ATRNL1: variants seen among roughly 807,000 people sequenced by gnomAD.
ATRNL1 encodes attractin like 1, also known as attractin-like protein 1.
ATRNL1 carries 95 observed loss-of-function variants against 182.7 expected under a neutral mutation model. The ratio of observed to expected loss-of-function variants is 0.52; its 90% CI spans 0.44 to 0.62. The LOEUF (loss-of-function observed/expected upper bound fraction) is 0.62. Ranked by LOEUF, ATRNL1 falls within the 20% of genes least tolerant of loss-of-function variation. The pLI, the probability that ATRNL1 is intolerant of heterozygous loss-of-function variation, is 0.00. For missense variants in ATRNL1, 1,471 were observed against 1,679.5 expected, an observed-to-expected ratio of 0.88 and a Z score of 2.17; for synonymous variants, 576 against 568.3, an observed-to-expected ratio of 1.01 and a Z score of -0.19.
chr10:115,458,149 T>C (rs1400063570), intron 21 of ATRNL1, among the ~76,000 whole-genome samples: 1 of 152,118 alleles, frequency 6.6e-6, no homozygotes, highest in Non-Finnish European at 1.5e-5. Flanking sequence ...TTTTATATCC[T>C]GTACCCTACT....
chr10:115,204,415 T>C (rs576005135), intron 8 of ATRNL1, among the ~76,000 whole-genome samples: 1 of 152,272 alleles, frequency 6.6e-6, no homozygotes, highest in South Asian at 2.1e-4. Context: ...TAGTGTTGGA[T>C]GTGGACTTGT....
chr10:115,190,281 T>C (rs1554889580), intron 8 of ATRNL1, among the ~76,000 whole-genome samples: 1 of 152,192 alleles, frequency 6.6e-6, no homozygotes, highest in African/African-American at 2.4e-5. Flanking sequence ...TAAATGTTTT[T>C]AGTTTTGCTA....
At chr10:115,573,393 C>T (rs1555004074) in intron 26 of ATRNL1, among the ~76,000 whole-genome samples, 1 of 151,768 alleles carries the variant, frequency 6.6e-6, no homozygotes, top group Non-Finnish European at 1.5e-5. Flanking sequence ...CATCAATGTC[C>T]TCACTTGCTG....
intron 28 of ATRNL1, among the ~76,000 whole-genome samples, chr10:115,873,605 G>A (rs1951634370): frequency 6.6e-6 from 1 of 152,204 alleles, no homozygotes; most frequent in Non-Finnish European, 1.5e-5. Flanking sequence ...TCTGGCTGCA[G>A]AAAGGGAGGA....
At chr10:115,584,887 G>A (rs1414218813) in intron 26 of ATRNL1, among the ~76,000 whole-genome samples, 1 of 150,578 alleles carries the variant, frequency 6.6e-6, no homozygotes, top group Non-Finnish European at 1.5e-5. Context: ...TGGGCATTTA[G>A]TGCTATAAAT....
intron 20 of ATRNL1, among the ~76,000 whole-genome samples, chr10:115,416,617 T>G (rs1321921658): frequency 6.6e-6 from 1 of 152,158 alleles, no homozygotes; most frequent in African/African-American, 2.4e-5. Context: ...AGAATTGGGA[T>G]GCCAAAGTTA....
chr10:115,278,602 A>G (rs1852208291), intron 13 of ATRNL1, among the ~76,000 whole-genome samples: 1 of 150,710 alleles, frequency 6.6e-6, no homozygotes, highest in African/African-American at 2.5e-5. Context: ...ATTAGCTGAG[A>G]CTAAGCTATC....
At chr10:115,448,858 CA>C (rs1554967148) in intron 21 of ATRNL1, among the ~76,000 whole-genome samples, 1 of 139,752 alleles carries the variant, frequency 7.2e-6, no homozygotes, top group African/African-American at 2.9e-5. Flanking sequence ...TGCCAACCAA[CA>C]ACAACAACAA....
chr10:115,430,345 T>C (rs1554963710), intron 21 of ATRNL1, among the ~76,000 whole-genome samples: 1 of 152,128 alleles, frequency 6.6e-6, no homozygotes, highest in Admixed American at 6.5e-5. Context: ...ATTTCAGATT[T>C]TGTCTTTAAT....
intron 26 of ATRNL1, among the ~76,000 whole-genome samples, chr10:115,645,979 T>A (rs978761719): frequency 6.6e-6 from 1 of 151,782 alleles, no homozygotes; most frequent in Non-Finnish European, 1.5e-5. Flanking sequence ...CTTTCACCTA[T>A]ACATTGCTCT....
intron 24 of ATRNL1, among the ~76,000 whole-genome samples, chr10:115,488,148 A>G (rs532661556): frequency 5.3e-5 from 8 of 152,260 alleles, no homozygotes; most frequent in Non-Finnish European, 1.0e-4. Flanking sequence ...GGATTTTTGC[A>G]TCGATGTTCA....
At chr10:115,651,496 T>C (rs1030895423) in intron 26 of ATRNL1, among the ~76,000 whole-genome samples, 1 of 152,196 alleles carries the variant, frequency 6.6e-6, no homozygotes, top group East Asian at 1.9e-4. Flanking sequence ...TCTCCTTTTC[T>C]TTCTTTGGCT....
intron 26 of ATRNL1, among the ~76,000 whole-genome samples, chr10:115,649,510 C>A (rs1859846628): frequency 1.3e-5 from 2 of 152,064 alleles, no homozygotes; most frequent in South Asian, 4.1e-4. Context: ...AGCATTTGAG[C>A]CTTCTGTCCC....
chr10:115,382,415 T>C lies in ATRNL1; in HGVS notation c.3176-12244T>C, dbSNP rs1554951436. 3.9e-5 allele frequency among the ~76,000 whole-genome samples: 6 copies of C among 152,076 alleles called. No individual in the cohort carries two copies. The South Asian group carries it at 1.2e-3, about 31-fold the overall frequency. Reference sequence around the variant, plus strand: ...ATCTTGTACTTCTTTTATTAAATTATTTCGTGAGAATTTTATTTTAATACT... The same window carrying C: ...ATCTTGTACTTCTTTTATTAAATTACTTCGTGAGAATTTTATTTTAATACT... On this transcript the variant is annotated intron_variant, in intron 19 of 28. Transcript: ENST00000355044.
At position 115,703,602 on chromosome 10, in the gene ATRNL1, G is replaced by GT. The variant is rs148348089; in HGVS notation, c.3796-23646_3796-23645insT. ...TTTTTAGGTTGAGTGGTGAGTTCAT[G>GT]GATGTTCATTATCTTATGTTTTTAA... is the stretch of plus-strand genomic sequence containing the variant. On this transcript the variant is annotated intron_variant, in intron 26 of 28. Coordinates refer to ENST00000355044, the MANE Select transcript of ATRNL1 (RefSeq NM_207303.4). Among the ~76,000 whole-genome samples the GT allele has an allele frequency of 9.3e-3, 1,408 of 151,712 alleles. 43 individuals carry two copies. In the East Asian group the frequency reaches 0.12, roughly 13 times the overall value.
chr10:115,234,806 C>T lies in ATRNL1; in HGVS notation c.1533-6765C>T, dbSNP rs186753956. The stretch of plus-strand genomic sequence containing the variant: ...GTTTTGCTATGTTGCCCTGGCTGGT[C>T]TCGAACTCCTGAGGTCAAGCCATCC... On this transcript the variant is annotated intron_variant, in intron 9 of 28. Transcript: ENST00000355044. Among the ~76,000 whole-genome samples the T allele has an allele frequency of 3.4e-3, 513 of 152,046 alleles. 2 individuals carry two copies. Among genetic ancestry groups the T allele is most frequent in the African/African-American group, 0.012 (494 of 41,480 alleles).
At position 115,728,050 on chromosome 10, in the gene ATRNL1, C is replaced by T. The variant is rs186317536; in HGVS notation, c.3903+695C>T. ...CAGCACTTTGGGAGGCCAAGGTGGGCAGATCACGAGGTCAGGAGATCGCGA... is the reference window on the plus strand; with the variant it reads ...CAGCACTTTGGGAGGCCAAGGTGGGTAGATCACGAGGTCAGGAGATCGCGA... On this transcript the variant is annotated intron_variant, in intron 27 of 28. Coordinates refer to ENST00000355044, the MANE Select transcript of ATRNL1 (RefSeq NM_207303.4). Among the ~76,000 whole-genome samples, 669 of 139,034 alleles carry T rather than the reference C, an allele frequency of 4.8e-3. 4 individuals carry two copies. The highest frequency in any genetic ancestry group is 0.017 in the African/African-American group (626 of 37,280). 91.2% of individuals were successfully genotyped at this position (139,034 alleles called of 152,430 possible). A position where few individuals can be genotyped will look rare whatever the true frequency, so the allele number is the denominator to read the frequency against.
intron 8 of ATRNL1, among the ~76,000 whole-genome samples, chr10:115,178,199 C>G (rs538560362): frequency 6.6e-6 from 1 of 151,910 alleles, no homozygotes. Flanking sequence ...CATGAGCCAC[C>G]GTGCCTGGCC....
At chr10:115,235,145 C>G (rs1850125470) in intron 9 of ATRNL1, among the ~76,000 whole-genome samples, 1 of 152,152 alleles carries the variant, frequency 6.6e-6, no homozygotes, top group Non-Finnish European at 1.5e-5. Context: ...ATTAGATTCA[C>G]ATTTTGTATT....
Sources: gnomAD v4.1 joint callset for allele counts (sites outside exome capture counted in the v4.1 genomes callset) on GRCh38, gnomAD v4.1.1 for gene constraint, MANE v1.5 for transcripts, NCBI Gene and HGNC (gene_info 2026-07-23, HGNC 2026-07-21) for gene names.